SPATA16: variants seen among roughly 807,000 people sequenced by gnomAD.
The protein encoded by SPATA16 is spermatogenesis associated 16.
SPATA16 carries 36 observed loss-of-function variants against 63.3 expected under a neutral mutation model. The ratio of observed to expected loss-of-function variants is 0.57; its 90% CI spans 0.44 to 0.75. The LOEUF (loss-of-function observed/expected upper bound fraction) is 0.75, where lower values mean the gene tolerates loss of function less well. SPATA16 is among the 30% of genes least tolerant of loss of function. The probability of loss-of-function intolerance (pLI) is 0.00; values close to 1 mark genes in which losing one functional copy is unlikely to be tolerated. For synonymous variants in SPATA16, 203 were observed against 216.7 expected (o/e 0.94, Z 0.56); for missense variants, 646 against 679.3 (o/e 0.95, Z 0.54).
intron 2 of SPATA16, among the ~76,000 whole-genome samples, chr3:173,099,858 C>T (rs1392714918): frequency 2.0e-5 from 3 of 152,148 alleles, no homozygotes; most frequent in Non-Finnish European, 2.9e-5. Flanking sequence ...ACCTACGCCC[C>T]TCTCTAGCTT....
At chr3:172,941,855 A>G (rs1050749971) in intron 6 of SPATA16, among the ~76,000 whole-genome samples, 1 of 152,092 alleles carries the variant, frequency 6.6e-6, no homozygotes, top group Non-Finnish European at 1.5e-5. Flanking sequence ...ATAAAAATAT[A>G]TTATGTATAA....
intron 1 of SPATA16, among the ~76,000 whole-genome samples, chr3:173,129,119 T>A (rs1427332040): frequency 6.6e-6 from 1 of 152,236 alleles, no homozygotes; most frequent in African/African-American, 2.4e-5. Flanking sequence ...GAGTTCCTGC[T>A]GGGTAAAAAT....
chr3:173,013,961 C>T (rs1001983631), intron 4 of SPATA16, among the ~76,000 whole-genome samples: 2 of 152,182 alleles, frequency 1.3e-5, no homozygotes, highest in African/African-American at 4.8e-5. Context: ...GCCTCTGGGA[C>T]AAGTCAGCCT....
intron 10 of SPATA16, among the ~76,000 whole-genome samples, chr3:172,899,405 CT>C (rs901696665): frequency 2.0e-5 from 3 of 151,926 alleles, no homozygotes; most frequent in Non-Finnish European, 4.4e-5. Flanking sequence ...TCTCTGGTAA[CT>C]TTTTTTGCTT....
chr3:173,140,945 T>C (rs771104021), intron 1 of SPATA16, among the ~76,000 whole-genome samples, 158 bp downstream of exon 1: 46 of 152,328 alleles, frequency 3.0e-4, no homozygotes, highest in Non-Finnish European at 3.8e-4. Flanking sequence ...GGGCTTTTTA[T>C]AAGCAACATT....
intron 5 of SPATA16, among the ~76,000 whole-genome samples, chr3:172,968,706 G>A (rs1733975442): frequency 6.6e-6 from 1 of 152,050 alleles, no homozygotes; most frequent in East Asian, 1.9e-4. Flanking sequence ...TAATGTCACG[G>A]TCACTATCTC....
At chr3:172,933,349 T>C (rs549387195) in intron 6 of SPATA16, among the ~76,000 whole-genome samples, 5 of 152,282 alleles carry the variant, frequency 3.3e-5, no homozygotes, top group African/African-American at 7.2e-5. Flanking sequence ...TGAGACCCAA[T>C]TGACCAAGTC....
At chr3:173,015,270 G>T (rs1236928009) in intron 4 of SPATA16, among the ~76,000 whole-genome samples, 4 of 152,026 alleles carry the variant, frequency 2.6e-5, no homozygotes, top group Non-Finnish European at 5.9e-5. Flanking sequence ...CACCATGTTG[G>T]CCAGGCTGCT....
chr3:173,088,076 TTCTGTCTTTTC>T (rs1560118986), intron 2 of SPATA16, among the ~76,000 whole-genome samples: 107 of 120,158 alleles, frequency 8.9e-4, no homozygotes, highest in African/African-American at 1.7e-3. Flanking sequence ...CTTTCTTTCT[TTCTGTCTTTTC>T]TTTTTTTTTT....
intron 1 of SPATA16, among the ~76,000 whole-genome samples, chr3:173,118,787 A>C (rs1381640198): frequency 6.6e-6 from 1 of 152,214 alleles, no homozygotes; most frequent in South Asian, 2.1e-4. Flanking sequence ...GCCAACTCCT[A>C]GCCTGAGATA....
intron 5 of SPATA16, among the ~76,000 whole-genome samples, chr3:172,971,492 G>A (rs1322619406): frequency 6.6e-6 from 1 of 152,134 alleles, no homozygotes; most frequent in East Asian, 1.9e-4. Context: ...TTAACTAGAG[G>A]TGGTATACAA....
At chr3:173,072,182 G>A (rs1736691365) in intron 2 of SPATA16, among the ~76,000 whole-genome samples, 4 of 152,150 alleles carry the variant, frequency 2.6e-5, no homozygotes, top group Admixed American at 2.6e-4. Flanking sequence ...ATAAACAGAG[G>A]ATTGGATAAA....
At chr3:173,002,683 A>T (rs928452861) in intron 4 of SPATA16, among the ~76,000 whole-genome samples, 4 of 152,216 alleles carry the variant, frequency 2.6e-5, no homozygotes, top group Admixed American at 1.3e-4. Context: ...ATGTTACAAA[A>T]TTATCTTATA....
chr3:173,110,975 C>T (rs759779953), intron 2 of SPATA16, among the ~76,000 whole-genome samples: 6 of 152,158 alleles, frequency 3.9e-5, no homozygotes, highest in Non-Finnish European at 8.8e-5. Context: ...CATAATGCAT[C>T]TGAATCTGCA....
intron 5 of SPATA16, among the ~76,000 whole-genome samples, chr3:172,960,963 CTCTCTTTCTTTTTCTCTT>C (rs1044401771): frequency 7.0e-6 from 1 of 143,468 alleles, no homozygotes; most frequent in African/African-American, 2.6e-5. Context: ...CCCTCTCTCT[CTCTCTTTCTTTTTCTCTT>C]TCTCTTTCTT....
At chr3:173,103,206 A>G (rs930185488) in intron 2 of SPATA16, among the ~76,000 whole-genome samples, 7 of 152,140 alleles carry the variant, frequency 4.6e-5, no homozygotes, top group African/African-American at 1.2e-4. Context: ...ATGCTTTTCC[A>G]TGTGTCAGGC....
In SPATA16 at chr3:172,916,392, C is replaced by T. The variant is rs200392899; in HGVS notation, c.1428G>A (p.Gln476=). Residue 476 remains glutamine, a synonymous_variant, in exon 9 of 11, where the codon CAG becomes CAA. Transcript: ENST00000351008. ...SQLQRVKEQS[Q]VINQAMAELA... ...GCTCTGCCATTGCTTGATTAATCACCTGGGACTGCTCCTTTACTCTCTGCA... is the reference window on the plus strand; with the variant it reads ...GCTCTGCCATTGCTTGATTAATCACTTGGGACTGCTCCTTTACTCTCTGCA... The T allele has an allele frequency of 4.3e-6, 7 of 1,613,920 alleles. 1 individual carries two copies. Among genetic ancestry groups the T allele is most frequent in the African/African-American group, 4.0e-5 (3 of 75,016 alleles).
intron 5 of SPATA16, among the ~76,000 whole-genome samples, chr3:172,961,077 C>CTTCCTTT (rs1560080389): frequency 2.3e-4 from 22 of 97,392 alleles, no homozygotes; most frequent in African/African-American, 1.2e-3. Flanking sequence ...TTTCTTCCTT[C>CTTCCTTT]CTTCCTTCCT....
chr3:173,048,342 C>T (rs1202911040), intron 3 of SPATA16, among the ~76,000 whole-genome samples: 1 of 151,894 alleles, frequency 6.6e-6, no homozygotes, highest in Non-Finnish European at 1.5e-5. Context: ...ACATAAAATA[C>T]AGGAGAGATA....
Sources: allele counts gnomAD v4.1 joint callset (sites outside exome capture counted in the v4.1 genomes callset), GRCh38; gene constraint gnomAD v4.1.1; transcripts MANE v1.5; gene names NCBI Gene and HGNC (gene_info 2026-07-23, HGNC 2026-07-21).